Variants in NEGR1 observed in about 807,000 individuals in gnomAD.
NEGR1 encodes the protein neuronal growth regulator 1.
A neutral mutation model predicts 40.9 loss-of-function variants in NEGR1; 10 were observed. That is an observed-to-expected ratio of 0.24 (90% confidence interval 0.15 to 0.42). The LOEUF (loss-of-function observed/expected upper bound fraction) is 0.42. NEGR1 is among the 10% of genes least tolerant of loss of function. NEGR1 has a pLI of 1.00. For missense variants in NEGR1, 352 were observed against 438.9 expected (o/e 0.80, Z 1.77); for synonymous variants, 185 against 166.8 (o/e 1.11, Z -0.84).
At chr1:71,462,772 CATTT>C (rs1646722203) in intron 6 of NEGR1, among the ~76,000 whole-genome samples, 1 of 152,102 alleles carries the variant, frequency 6.6e-6, no homozygotes, top group Admixed American at 6.6e-5. Flanking sequence ...TACCAAATTT[CATTT>C]ATTATTGTGT....
intron 1 of NEGR1, among the ~76,000 whole-genome samples, chr1:72,267,601 G>A (rs998386267): frequency 1.3e-5 from 2 of 151,254 alleles, no homozygotes; most frequent in African/African-American, 4.8e-5. Flanking sequence ...AGAGAGAAGT[G>A]TCATCCATTC....
At chr1:71,472,953 G>C (rs986635642) in intron 6 of NEGR1, among the ~76,000 whole-genome samples, 7 of 151,848 alleles carry the variant, frequency 4.6e-5, no homozygotes, top group African/African-American at 1.7e-4. Context: ...GAAACAATGG[G>C]ACAGAAAAAA....
At chr1:71,811,785 A>C (rs1658010094) in intron 2 of NEGR1, among the ~76,000 whole-genome samples, 1 of 151,214 alleles carries the variant, frequency 6.6e-6, no homozygotes, top group Non-Finnish European at 1.5e-5. Flanking sequence ...ATAAAGAAAT[A>C]AATTAATGAA....
At chr1:71,537,033 T>A (rs965128346) in intron 6 of NEGR1, among the ~76,000 whole-genome samples, 6 of 151,736 alleles carry the variant, frequency 4.0e-5, no homozygotes, top group Non-Finnish European at 8.9e-5. Flanking sequence ...AGAAACTACT[T>A]ATTGAACAGC....
At chr1:72,193,226 A>G (rs920009830) in intron 1 of NEGR1, among the ~76,000 whole-genome samples, 2 of 151,878 alleles carry the variant, frequency 1.3e-5, no homozygotes, top group Non-Finnish European at 2.9e-5. Context: ...CTGATGCTTT[A>G]TAATTGAAAA....
At chr1:71,480,828 C>A (rs1014498281) in intron 6 of NEGR1, among the ~76,000 whole-genome samples, 1 of 151,660 alleles carries the variant, frequency 6.6e-6, no homozygotes. Context: ...TGTCAAAGAA[C>A]CCTGAAAAAT....
chr1:71,789,145 G>A (rs1657021031), intron 2 of NEGR1, among the ~76,000 whole-genome samples: 1 of 152,084 alleles, frequency 6.6e-6, no homozygotes, highest in African/African-American at 2.4e-5. Flanking sequence ...TGGACAAGAT[G>A]AGGACCCTAT....
Position 72,215,091 on chromosome 1 carries a change from C to T in NEGR1, c.176+67228G>A, listed in dbSNP as rs143489510. 8.4e-3 allele frequency among the ~76,000 whole-genome samples: 1,278 copies of T among 152,116 alleles called. 19 individuals are homozygous for T. The highest frequency in any genetic ancestry group is 0.029 in the African/African-American group (1,217 of 41,512). On this transcript the variant is annotated intron_variant, in intron 1 of 6. Coordinates refer to ENST00000357731, the MANE Select transcript of NEGR1 (RefSeq NM_173808.3). Reference sequence around the variant, plus strand: ...TTACCACCAATTGATCTTCAACAAACCTGACAAAAACAAGTAATGGGGAAA... The same window carrying T: ...TTACCACCAATTGATCTTCAACAAATCTGACAAAAACAAGTAATGGGGAAA...
intron 6 of NEGR1, among the ~76,000 whole-genome samples, chr1:71,457,216 G>A (rs1034045154): frequency 9.9e-5 from 15 of 151,912 alleles, no homozygotes; most frequent in African/African-American, 2.7e-4. Context: ...ATCCTCCTCC[G>A]TTCTCCCCAC....
intron 1 of NEGR1, among the ~76,000 whole-genome samples, chr1:72,139,255 G>GAAAAA (rs77435105): frequency 1.0e-5 from 1 of 98,986 alleles, no homozygotes; most frequent in Admixed American, 1.0e-4. Context: ...CAGAAAAAGC[G>GAAAAA]AAAAAAAAAA....
intron 3 of NEGR1, among the ~76,000 whole-genome samples, chr1:71,762,970 G>A (rs1023593173): frequency 6.6e-6 from 1 of 151,466 alleles, no homozygotes; most frequent in African/African-American, 2.4e-5. Context: ...TAGAAATAAA[G>A]CAATAAAAGA....
At chr1:72,075,898 G>A (rs1317232817) in intron 1 of NEGR1, among the ~76,000 whole-genome samples, 2 of 152,064 alleles carry the variant, frequency 1.3e-5, no homozygotes, top group Non-Finnish European at 2.9e-5. Flanking sequence ...GATTGGTTTA[G>A]AACTTAACAC....
chr1:71,804,868 C>A (rs1254027658), intron 2 of NEGR1, among the ~76,000 whole-genome samples: 2 of 152,174 alleles, frequency 1.3e-5, no homozygotes, highest in Non-Finnish European at 2.9e-5. Context: ...TAACCTTAAA[C>A]TCTGACTGCC....
chr1:71,396,273 A>C lies in NEGR1; in HGVS notation c.*11173T>G, dbSNP rs749972898. The C allele has an allele frequency of 6.6e-6, 1 of 152,170 alleles. No individual in the cohort carries two copies. The highest frequency in any genetic ancestry group is 1.5e-5 in the Non-Finnish European group (1 of 68,036). The allele number at this position is 152,170 out of a possible 1,614,324, so 9.4% of individuals were successfully genotyped here. A position where few individuals can be genotyped will look rare whatever the true frequency, so the allele number is the denominator to read the frequency against. ...GTGCCTTTTTCTTCAGTTTGATCAT[A>C]GTGTCCTAAACATCCAGATTAACTC... On this transcript the variant is annotated 3_prime_UTR_variant, in exon 7 of 7. Coordinates refer to ENST00000357731, the MANE Select transcript of NEGR1 (RefSeq NM_173808.3).
At chr1:71,528,766 T>C (rs1647275582) in intron 6 of NEGR1, among the ~76,000 whole-genome samples, 1 of 151,394 alleles carries the variant, frequency 6.6e-6, no homozygotes, top group South Asian at 2.1e-4. Flanking sequence ...TTGGTTTGGC[T>C]GTATGCTTGC....
intron 2 of NEGR1, among the ~76,000 whole-genome samples, chr1:71,846,215 C>T (rs982022598): frequency 6.6e-6 from 1 of 152,094 alleles, no homozygotes; most frequent in Non-Finnish European, 1.5e-5. Flanking sequence ...TCCCCCCCAA[C>T]CTAATAAAAA....
intron 1 of NEGR1, among the ~76,000 whole-genome samples, chr1:72,086,595 T>C (rs1012773907): frequency 1.4e-4 from 21 of 152,324 alleles, no homozygotes; most frequent in African/African-American, 4.6e-4. Context: ...TATCAGCACT[T>C]GTGCTGCAAT....
chr1:71,670,070 G>A (rs1488671662), intron 4 of NEGR1, among the ~76,000 whole-genome samples: 9 of 151,586 alleles, frequency 5.9e-5, no homozygotes, highest in East Asian at 1.9e-4. Context: ...TCCTTTCTCC[G>A]TTACCATTTG....
chr1:71,607,492 C>T (rs1298458659), intron 5 of NEGR1, among the ~76,000 whole-genome samples: 1 of 152,150 alleles, frequency 6.6e-6, no homozygotes, highest in East Asian at 1.9e-4. Context: ...TAAATCCCAG[C>T]TCTGCCACTA....
Sources: allele counts gnomAD v4.1 joint callset (sites outside exome capture counted in the v4.1 genomes callset), GRCh38; gene constraint gnomAD v4.1.1; transcripts MANE v1.5; gene names NCBI Gene and HGNC (gene_info 2026-07-23, HGNC 2026-07-21).